GRIN2A: variants seen among roughly 807,000 people sequenced by gnomAD.
GRIN2A encodes the protein glutamate ionotropic receptor NMDA type subunit 2A.
GRIN2A carries 22 observed loss-of-function variants against 113.4 expected under a neutral mutation model. That is an observed-to-expected ratio of 0.19 (90% CI 0.14 to 0.28). The LOEUF (loss-of-function observed/expected upper bound fraction) is 0.28, where lower values mean the gene tolerates loss of function less well. Ranked by LOEUF, GRIN2A falls within the 10% of genes least tolerant of loss-of-function variation. GRIN2A has a pLI of 1.00. For missense variants in GRIN2A, 1,502 were observed against 1,887.0 expected, an observed-to-expected ratio of 0.80 and a Z score of 3.78; for synonymous variants, 827 against 738.4, an observed-to-expected ratio of 1.12 and a Z score of -1.94.
At chr16:9,965,010 C>G (rs2045523405) in intron 2 of GRIN2A, among the ~76,000 whole-genome samples, 1 of 152,112 alleles carries the variant, frequency 6.6e-6, no homozygotes, top group Admixed American at 6.5e-5. Context: ...AAGGAAATGC[C>G]AAATCCTCTG....
intron 2 of GRIN2A, among the ~76,000 whole-genome samples, chr16:9,988,134 A>G (rs971532101): frequency 1.3e-5 from 2 of 152,138 alleles, no homozygotes; most frequent in Non-Finnish European, 2.9e-5. Flanking sequence ...GAAGAATACC[A>G]GATCTCAAGA....
intron 11 of GRIN2A, among the ~76,000 whole-genome samples, chr16:9,795,357 C>T (rs1324858215): frequency 6.6e-6 from 1 of 152,148 alleles, no homozygotes; most frequent in Non-Finnish European, 1.5e-5. Context: ...AATGCCATGG[C>T]AACATCAGGA....
At position 9,753,468 on chromosome 16, in the gene GRIN2A, T is replaced by C. The variant is rs1401029313; in HGVS notation, c.*9681A>G. On this transcript the variant is annotated 3_prime_UTR_variant, in exon 13 of 13. Coordinates refer to ENST00000330684, the MANE Select transcript of GRIN2A (RefSeq NM_001134407.3). Reference sequence around the variant, plus strand: ...TAGAAAAATGAAATTTTCCTGTATTTACATTTTTACACCATATGACCGGGC... The same window carrying C: ...TAGAAAAATGAAATTTTCCTGTATTCACATTTTTACACCATATGACCGGGC... The C allele has an allele frequency of 5.0e-6, 1 of 200,638 alleles. No individual in the cohort carries two copies. Among genetic ancestry groups the C allele is most frequent in the Non-Finnish European group, 1.0e-5 (1 of 97,290 alleles). 12.4% of individuals were successfully genotyped at this position (200,638 alleles called of 1,614,324 possible).
intron 11 of GRIN2A, among the ~76,000 whole-genome samples, chr16:9,796,047 C>T (rs1197586428): frequency 6.6e-6 from 1 of 152,146 alleles, no homozygotes; most frequent in African/African-American, 2.4e-5. Flanking sequence ...CATTTAACCT[C>T]ATAAGGTTAC....
intron 2 of GRIN2A, chr16:10,112,314 C>A (rs929543340): frequency 1.9e-5 from 12 of 644,742 alleles, no homozygotes; most frequent in African/African-American, 1.8e-4. Context: ...GGCTAAGAAC[C>A]TGATTGACAC....
chr16:10,036,303 G>A (rs533101448), intron 2 of GRIN2A, among the ~76,000 whole-genome samples: 1 of 152,074 alleles, frequency 6.6e-6, no homozygotes, highest in Admixed American at 6.5e-5. Flanking sequence ...TAAGATCAAG[G>A]TGTCGGTGGT....
intron 2 of GRIN2A, among the ~76,000 whole-genome samples, chr16:9,964,216 G>A (rs1310926045): frequency 6.6e-6 from 1 of 152,186 alleles, no homozygotes; most frequent in Non-Finnish European, 1.5e-5. Flanking sequence ...ATATCCAAAT[G>A]GAGTTTCATA....
At chr16:10,059,210 T>C (rs2047507949) in intron 2 of GRIN2A, among the ~76,000 whole-genome samples, 1 of 152,216 alleles carries the variant, frequency 6.6e-6, no homozygotes. Context: ...GAATAGGTTT[T>C]AGTTGTGCCT....
chr16:9,878,877 A>G (rs1046585010), intron 4 of GRIN2A, among the ~76,000 whole-genome samples: 17 of 148,406 alleles, frequency 1.1e-4, no homozygotes, highest in Non-Finnish European at 2.2e-4. Flanking sequence ...ACACACACAC[A>G]CGCACACACA....
chr16:9,822,056 G>A (rs562306645), intron 10 of GRIN2A, among the ~76,000 whole-genome samples: 1 of 152,198 alleles, frequency 6.6e-6, no homozygotes, highest in African/African-American at 2.4e-5. Context: ...AAAGCATCCT[G>A]GATTTGCTTT....
intron 2 of GRIN2A, among the ~76,000 whole-genome samples, chr16:10,073,399 G>A (rs142037753): frequency 1.1e-4 from 17 of 152,240 alleles, no homozygotes; most frequent in African/African-American, 3.9e-4. Flanking sequence ...CTGATATCAC[G>A]CAGGGTTGGT....
intron 8 of GRIN2A, among the ~76,000 whole-genome samples, chr16:9,833,342 G>A (rs2042529842): frequency 6.6e-6 from 1 of 152,106 alleles, no homozygotes; most frequent in Non-Finnish European, 1.5e-5. Context: ...TAACCCTATG[G>A]GGAAATATAT....
At chr16:9,812,670 T>TAAAC (rs753581988) in intron 10 of GRIN2A, among the ~76,000 whole-genome samples, 2 of 151,364 alleles carry the variant, frequency 1.3e-5, no homozygotes, top group Admixed American at 1.3e-4. Context: ...AAAAAAGAAA[T>TAAAC]AAACAATAAA....
At chr16:9,879,542 C>A (rs573623731) in intron 4 of GRIN2A, among the ~76,000 whole-genome samples, 1 of 152,314 alleles carries the variant, frequency 6.6e-6, no homozygotes, top group African/African-American at 2.4e-5. Flanking sequence ...CCTCCCCATA[C>A]CTCTCTTCCC....
At chr16:10,081,796 G>C (rs953559021) in intron 2 of GRIN2A, among the ~76,000 whole-genome samples, 1 of 152,150 alleles carries the variant, frequency 6.6e-6, no homozygotes, top group Admixed American at 6.5e-5. Context: ...CACTGGACCA[G>C]GGTCAGGCTA....
chr16:9,942,536 CTT>C (rs2044909145), intron 2 of GRIN2A, among the ~76,000 whole-genome samples: 1 of 152,188 alleles, frequency 6.6e-6, no homozygotes, highest in Admixed American at 6.5e-5. Flanking sequence ...CCACGCCTGA[CTT>C]TGACAGTTTG....
chr16:9,786,629 C>T (rs1369844668), intron 11 of GRIN2A, among the ~76,000 whole-genome samples: 2 of 152,084 alleles, frequency 1.3e-5, no homozygotes, highest in East Asian at 1.9e-4. Flanking sequence ...CACCTGTCTT[C>T]CAAGATGTCT....
chr16:10,097,950 A>AT (rs2142099903), intron 2 of GRIN2A, among the ~76,000 whole-genome samples: 1 of 152,358 alleles, frequency 6.6e-6, no homozygotes, highest in East Asian at 1.9e-4. Flanking sequence ...GCGGTACTTA[A>AT]TTAAACTAAA....
chr16:10,171,418 A>G (rs1005134549), intron 2 of GRIN2A: 3 of 152,244 alleles, frequency 2.0e-5, no homozygotes, highest in Non-Finnish European at 2.9e-5. Context: ...CATATGGTCC[A>G]GTTGGTGGAG....
Sources: gnomAD v4.1 joint callset for allele counts (sites outside exome capture counted in the v4.1 genomes callset) on GRCh38, gnomAD v4.1.1 for gene constraint, MANE v1.5 for transcripts, NCBI Gene and HGNC (gene_info 2026-07-23, HGNC 2026-07-21) for gene names.